The following CERS3 variants were observed in gnomAD, a reference collection of about 807,000 sequenced individuals.
CERS3 encodes the protein LAG1 homolog, ceramide synthase 3.
In CERS3, 33 loss-of-function variants were observed where a neutral mutation model predicts 50.3. The ratio of observed to expected loss-of-function variants is 0.66; its 90% CI spans 0.50 to 0.88. The LOEUF (loss-of-function observed/expected upper bound fraction) is 0.88. Among genes scored for constraint, CERS3 ranks in the 40% least tolerant of loss-of-function variants. CERS3 has a pLI of 0.00. For synonymous variants in CERS3, 176 were observed against 155.2 expected (o/e 1.13, Z -0.99); for missense variants, 470 against 460.3 (o/e 1.02, Z -0.19).
At chr15:100,484,402 T>C (rs2035424652) in intron 5 of CERS3, 148 bp downstream of exon 5, 1 of 614,844 alleles carries the variant, frequency 1.6e-6, no homozygotes, top group Admixed American at 2.9e-5. Flanking sequence ...AGAAGGCAAA[T>C]ATGTGAGGAG....
intron 2 of CERS3, among the ~76,000 whole-genome samples, chr15:100,514,496 A>T (rs2036437760): frequency 6.6e-6 from 1 of 152,208 alleles, no homozygotes; most frequent in African/African-American, 2.4e-5. Flanking sequence ...GAATATACAT[A>T]AAACATAAAA....
At position 100,455,961 on chromosome 15, in the gene CERS3, AG is replaced by A. The variant is rs762388094; in HGVS notation, c.930del (p.Leu311CysfsTer13). On this transcript the variant is annotated frameshift_variant, in exon 11 of 12. Coordinates refer to ENST00000679737, the MANE Select transcript of CERS3 (RefSeq NM_001378789.1). LOFTEE classifies it high-confidence loss of function. ...SYIFLNLQLM[I>X]LQVLHLYWGY... Reference sequence around the variant, plus strand: ...CCCCAGTAAAGGTGAAGGACCTGCAAGATCATGAGCTGTAGGTTGAGGAAGA... The same window carrying A: ...CCCCAGTAAAGGTGAAGGACCTGCAAATCATGAGCTGTAGGTTGAGGAAGA... 6.2e-7 allele frequency: 1 copy of A among 1,613,074 alleles called. No homozygotes were observed. The highest frequency in any genetic ancestry group is 8.5e-7 in the Non-Finnish European group (1 of 1,179,178).
intron 4 of CERS3, among the ~76,000 whole-genome samples, chr15:100,486,794 G>A (rs2035498747): frequency 6.6e-6 from 1 of 152,232 alleles, no homozygotes; most frequent in Non-Finnish European, 1.5e-5. Context: ...ACTGGTGCCA[G>A]GCACCATCTA....
intron 10 of CERS3, among the ~76,000 whole-genome samples, chr15:100,466,401 A>T (rs1016403037): frequency 6.6e-6 from 1 of 152,214 alleles, no homozygotes; most frequent in Non-Finnish European, 1.5e-5. Flanking sequence ...TGCTTTTTAA[A>T]AACATCCGCA....
chr15:100,483,299 G>A (rs72759135), intron 5 of CERS3, among the ~76,000 whole-genome samples: 6,306 of 152,264 alleles, frequency 0.041, 181 homozygotes, highest in Non-Finnish European at 0.055. Context: ...TTGTGGTTTC[G>A]TGTGTGATAA....
At chr15:100,424,944 A>G (rs1212541702) in intron 11 of CERS3, among the ~76,000 whole-genome samples, 5 of 152,208 alleles carry the variant, frequency 3.3e-5, no homozygotes, top group Non-Finnish European at 7.3e-5. Flanking sequence ...AGCTCCAGCC[A>G]TGGCTAAAAG....
At chr15:100,447,880 T>G (rs1244363339) in intron 11 of CERS3, among the ~76,000 whole-genome samples, 1 of 152,194 alleles carries the variant, frequency 6.6e-6, no homozygotes, top group Non-Finnish European at 1.5e-5. Flanking sequence ...CCTCACTGTG[T>G]TCTGGAATTA....
intron 9 of CERS3, among the ~76,000 whole-genome samples, chr15:100,469,726 G>A (rs1004266259): frequency 6.6e-6 from 1 of 152,094 alleles, no homozygotes; most frequent in African/African-American, 2.4e-5. Context: ...ATAATATAAT[G>A]TTTTTTAGAA....
At chr15:100,470,954 G>A (rs747782635) in intron 9 of CERS3, among the ~76,000 whole-genome samples, 5 of 152,096 alleles carry the variant, frequency 3.3e-5, no homozygotes, top group Non-Finnish European at 4.4e-5. Context: ...GCCATGTCTG[G>A]GTTCAATTAG....
chr15:100,529,321 A>G (rs7165375), upstream of CERS3: 13,360 of 152,074 alleles, frequency 0.088, 685 homozygotes, highest in Admixed American at 0.13. Context: ...AGGGCTTCTT[A>G]CTAACTAAAT....
At chr15:100,475,244 G>C (rs2035089960) in intron 8 of CERS3, among the ~76,000 whole-genome samples, 1 of 152,162 alleles carries the variant, frequency 6.6e-6, no homozygotes, top group African/African-American at 2.4e-5. Context: ...CTTATACTTA[G>C]ATTTCTCATG....
chr15:100,520,771 G>T (rs2036617394), intron 2 of CERS3, among the ~76,000 whole-genome samples: 1 of 152,126 alleles, frequency 6.6e-6, no homozygotes, highest in Admixed American at 6.5e-5. Flanking sequence ...TGTCCCACTA[G>T]GAGTGGGCAG....
chr15:100,451,538 C>A (rs1408859230), intron 11 of CERS3, among the ~76,000 whole-genome samples: 3 of 152,068 alleles, frequency 2.0e-5, no homozygotes, highest in African/African-American at 7.2e-5. Context: ...CCTGTCTCTA[C>A]TAAAAATACA....
rs375858277 is a variant in CERS3, at chr15:100,454,387, C to A, written c.999+1506G>T. Among the ~76,000 whole-genome samples the A allele has an allele frequency of 8.2e-3, 910 of 111,264 alleles. 1 individual carries two copies. The highest frequency in any genetic ancestry group is 8.6e-3 in the African/African-American group (257 of 29,910). 73.0% of individuals were successfully genotyped at this position (111,264 alleles called of 152,430 possible). ...CCTTGAAGACAGAGCAAGGCATTGTCAAAAAAAAAAAAAAAAGATACCAAT... is the reference window on the plus strand; with the variant it reads ...CCTTGAAGACAGAGCAAGGCATTGTAAAAAAAAAAAAAAAAAGATACCAAT... On this transcript the variant is annotated intron_variant, in intron 11 of 11. Transcript: ENST00000679737.
At chr15:100,525,053 A>T (rs1053399820) in intron 1 of CERS3, among the ~76,000 whole-genome samples, 1 of 152,196 alleles carries the variant, frequency 6.6e-6, no homozygotes. Flanking sequence ...TATATGCCTT[A>T]CCTGTGAATT....
upstream of CERS3, among the ~76,000 whole-genome samples, chr15:100,530,547 C>T (rs763629069): frequency 1.3e-5 from 2 of 152,224 alleles, no homozygotes; most frequent in Non-Finnish European, 1.5e-5. Flanking sequence ...GCAACACCTA[C>T]TACTCTATCA....
chr15:100,416,969 A>G (rs2031961232), intron 11 of CERS3, among the ~76,000 whole-genome samples: 1 of 152,260 alleles, frequency 6.6e-6, no homozygotes, highest in Non-Finnish European at 1.5e-5. Flanking sequence ...AAGCATATGA[A>G]AAAATATTCA....
At position 100,482,448 on chromosome 15, in the gene CERS3, G is replaced by T. The variant is rs113513818; in HGVS notation, c.407+2102C>A. 6.1e-3 allele frequency among the ~76,000 whole-genome samples: 932 copies of T among 152,132 alleles called. 11 individuals carry two copies. The highest frequency in any genetic ancestry group is 0.021 in the African/African-American group (874 of 41,490). On this transcript the variant is annotated intron_variant, in intron 5 of 11. Coordinates refer to ENST00000679737, the MANE Select transcript of CERS3 (RefSeq NM_001378789.1). ...CGTGGACTGCATGGATCAGATGAGG[G>T]TAAGGCCGCATCCACCCAGCCGGGG... is the stretch of plus-strand genomic sequence containing the variant.
intron 10 of CERS3, among the ~76,000 whole-genome samples, chr15:100,464,058 T>C (rs956220754): frequency 2.6e-5 from 4 of 152,198 alleles, no homozygotes; most frequent in African/African-American, 4.8e-5. Flanking sequence ...TCGATAATAT[T>C]CCCTTTCACA....
Sources: allele counts gnomAD v4.1 joint callset (sites outside exome capture counted in the v4.1 genomes callset), GRCh38; gene constraint gnomAD v4.1.1; transcripts MANE v1.5; gene names NCBI Gene and HGNC (gene_info 2026-07-23, HGNC 2026-07-21).